Variants in SDK1 observed in about 807,000 individuals in gnomAD.
SDK1 encodes the protein sidekick cell adhesion molecule 1, also known as protein sidekick-1.
A neutral mutation model predicts 245.5 loss-of-function variants in SDK1; 157 were observed. That is an observed-to-expected ratio of 0.64 (90% CI 0.56 to 0.73). The LOEUF (loss-of-function observed/expected upper bound fraction) is 0.73. SDK1 is among the 30% of genes least tolerant of loss of function. SDK1 has a pLI of 0.00. For missense variants in SDK1, 3,583 were observed against 3,002.3 expected (o/e 1.19, Z -4.52); for synonymous variants, 1,647 against 1,278.5 (o/e 1.29, Z -6.15).
chr7:3,490,101 C>A (rs1213749684), intron 1 of SDK1, among the ~76,000 whole-genome samples: 1 of 152,104 alleles, frequency 6.6e-6, no homozygotes, highest in Admixed American at 6.5e-5. Flanking sequence ...GGCGTAGGTA[C>A]CAATTAAGTG....
intron 1 of SDK1, among the ~76,000 whole-genome samples, chr7:3,365,226 T>C (rs111616424): frequency 2.0e-5 from 3 of 152,302 alleles, no homozygotes; most frequent in African/African-American, 7.2e-5. Context: ...TGCTAGAGAA[T>C]GGTGGTAGTG....
intron 7 of SDK1, among the ~76,000 whole-genome samples, chr7:3,956,656 C>T (rs1396059214): frequency 6.6e-6 from 1 of 152,222 alleles, no homozygotes; most frequent in Non-Finnish European, 1.5e-5. Context: ...TGGCAGGCTG[C>T]CCCCCAGACC....
At chr7:4,210,519 G>C (rs1242704614) in intron 38 of SDK1, among the ~76,000 whole-genome samples, 1 of 152,046 alleles carries the variant, frequency 6.6e-6, no homozygotes, top group African/African-American at 2.4e-5. Context: ...GTCGCCGACA[G>C]AGACCACCCA....
chr7:3,733,049 A>G (rs969600116), intron 4 of SDK1, among the ~76,000 whole-genome samples: 2 of 152,174 alleles, frequency 1.3e-5, no homozygotes, highest in African/African-American at 4.8e-5. Context: ...ATCCCTGGGA[A>G]TCATTATTGC....
intron 2 of SDK1, 69 bp from the exon 3 acceptor site, chr7:3,638,935 A>G: frequency 1.1e-6 from 1 of 888,804 alleles, no homozygotes; most frequent in Non-Finnish European, 1.8e-6. Context: ...ATAAAATAGC[A>G]TCTGATGGTT....
chr7:3,869,219 A>C (rs1177583758), intron 5 of SDK1, among the ~76,000 whole-genome samples: 3 of 145,602 alleles, frequency 2.1e-5, no homozygotes, highest in Non-Finnish European at 4.5e-5. Context: ...GCAGTGATGC[A>C]ATCTCGGCCC....
chr7:3,966,340 G>A (rs925646025), intron 9 of SDK1, among the ~76,000 whole-genome samples: 10 of 152,098 alleles, frequency 6.6e-5, no homozygotes, highest in African/African-American at 1.2e-4. Flanking sequence ...TCCTTGAGGG[G>A]TATCAGCCCA....
rs768439797 is a variant in SDK1, at chr7:3,958,938, A to G, written c.1158A>G (p.Pro386=). 13 of 1,613,618 alleles carry G rather than the reference A, an allele frequency of 8.1e-6. No homozygotes were observed. In the African/African-American group the frequency reaches 9.3e-5, roughly 12 times the overall value. ...TTATTTTCTTGTTTGAAGAGCCACC[A>G]TATTTTACTGCTGAGCCCGAGAGTC... is the stretch of plus-strand genomic sequence containing the variant. ...ATAFLFIIEP[P]YFTAEPESRI... The change falls in exon 8 of 45, where the codon CCA becomes CCG. Residue 386 remains proline, a synonymous_variant. Transcript: ENST00000404826.
At chr7:3,447,663 T>C (rs948672001) in intron 1 of SDK1, among the ~76,000 whole-genome samples, 5 of 151,680 alleles carry the variant, frequency 3.3e-5, no homozygotes, top group East Asian at 3.9e-4. Context: ...GTTTCTGTTA[T>C]AAACAATGAG....
chr7:4,081,299 A>G (rs970222490), intron 22 of SDK1, among the ~76,000 whole-genome samples: 2 of 152,212 alleles, frequency 1.3e-5, no homozygotes, highest in African/African-American at 4.8e-5. Context: ...GTGTCACTGC[A>G]GGAGAGTCTG....
intron 12 of SDK1, among the ~76,000 whole-genome samples, chr7:3,972,834 C>G (rs1241456093): frequency 6.6e-6 from 1 of 152,178 alleles, no homozygotes; most frequent in East Asian, 1.9e-4. Context: ...GGCTCAGAAT[C>G]CAAATTTGGT....
chr7:4,011,121 A>C lies in SDK1; in HGVS notation c.2279+8A>C, dbSNP rs11979185. On this transcript the variant is annotated splice_region_variant and intron_variant, in intron 15 of 44. Transcript: ENST00000404826. ...CAGCGCCGAGACAAGCAGGTGCGTG[A>C]ATCCCGCCCCAGGTGGGGGTGTGGA... 0.014 allele frequency: 22,987 copies of C among 1,612,946 alleles called. 2,506 individuals are homozygous for C. In the African/African-American group the frequency reaches 0.26, roughly 18 times the overall value.
At chr7:3,617,811 T>A (rs1191147760) in intron 1 of SDK1, among the ~76,000 whole-genome samples, 1 of 152,186 alleles carries the variant, frequency 6.6e-6, no homozygotes, top group East Asian at 1.9e-4. Context: ...ATCCTCAAGG[T>A]CCTGCCTCTT....
intron 1 of SDK1, among the ~76,000 whole-genome samples, chr7:3,417,578 CTGAG>C (rs1301013895): frequency 1.5e-4 from 23 of 152,202 alleles, no homozygotes; most frequent in African/African-American, 5.3e-4. Flanking sequence ...CAAAAATACC[CTGAG>C]TATCTGTGCT....
Position 3,383,617 on chromosome 7 carries a change from C to T in SDK1, c.298+81733C>T, listed in dbSNP as rs1444231116. The stretch of plus-strand genomic sequence containing the variant: ...TTAAACTGGATGGTCTTGATATTTT[C>T]GTGTAACTTTTAGTTCAGGTACAAG... On this transcript the variant is annotated intron_variant, in intron 1 of 44. Transcript: ENST00000404826. 5.3e-5 allele frequency among the ~76,000 whole-genome samples: 8 copies of T among 152,222 alleles called. 1 individual carries two copies. In the East Asian group the frequency reaches 1.2e-3, roughly 22 times the overall value.
At chr7:3,854,283 G>A (rs1780487532) in intron 5 of SDK1, among the ~76,000 whole-genome samples, 1 of 152,104 alleles carries the variant, frequency 6.6e-6, no homozygotes, top group Non-Finnish European at 1.5e-5. Context: ...ACTGAGAGAA[G>A]ACTACCTAAG....
intron 13 of SDK1, among the ~76,000 whole-genome samples, chr7:3,975,937 C>T (rs1452424523): frequency 2.8e-5 from 4 of 140,874 alleles, no homozygotes; most frequent in Admixed American, 2.1e-4. Context: ...CACTGAGGGT[C>T]CCGGGGCTGA....
chr7:3,459,059 G>A (rs545729753), intron 1 of SDK1, among the ~76,000 whole-genome samples: 14 of 152,232 alleles, frequency 9.2e-5, no homozygotes, highest in South Asian at 6.2e-4. Flanking sequence ...CTCAGATTTC[G>A]AATGAGATTG....
intron 1 of SDK1, among the ~76,000 whole-genome samples, chr7:3,346,827 A>ATATATTTTT (rs1228887289): frequency 1.3e-3 from 22 of 16,384 alleles, no homozygotes; most frequent in South Asian, 3.4e-3. Context: ...ATATATATAT[A>ATATATTTTT]TTTTTTTTTT....
Sources: allele counts gnomAD v4.1 joint callset (sites outside exome capture counted in the v4.1 genomes callset), GRCh38; gene constraint gnomAD v4.1.1; transcripts MANE v1.5; gene names NCBI Gene and HGNC (gene_info 2026-07-23, HGNC 2026-07-21).